Variants in ZNF385D observed in about 807,000 individuals in gnomAD.
The protein encoded by ZNF385D is zinc finger protein 385D.
In ZNF385D, 15 loss-of-function variants were observed where a neutral mutation model predicts 35.8. The ratio of observed to expected loss-of-function variants is 0.42; its 90% CI spans 0.28 to 0.64. The LOEUF (loss-of-function observed/expected upper bound fraction) is 0.64, where lower values mean the gene tolerates loss of function less well. ZNF385D is among the 30% of genes least tolerant of loss of function. ZNF385D has a pLI of 0.23. For missense variants in ZNF385D, 474 were observed against 494.6 expected, an observed-to-expected ratio of 0.96 and a Z score of 0.39; for synonymous variants, 212 against 186.8, an observed-to-expected ratio of 1.13 and a Z score of -1.10.
At chr3:21,935,960 G>C (rs1005167857) in intron 3 of ZNF385D, among the ~76,000 whole-genome samples, 1 of 152,098 alleles carries the variant, frequency 6.6e-6, no homozygotes, top group African/African-American at 2.4e-5. Context: ...GGTGTCCTAA[G>C]TGCAACAGAA....
intron 2 of ZNF385D, among the ~76,000 whole-genome samples, chr3:21,580,900 T>C (rs1426631107): frequency 6.6e-6 from 1 of 152,140 alleles, no homozygotes; most frequent in Non-Finnish European, 1.5e-5. Flanking sequence ...CTTCAATGCT[T>C]GTTATTTGGC....
chr3:21,800,272 C>G (rs2072335135), intron 3 of ZNF385D, among the ~76,000 whole-genome samples: 1 of 152,128 alleles, frequency 6.6e-6, no homozygotes, highest in African/African-American at 2.4e-5. Flanking sequence ...TGTTCATTTA[C>G]ACAAAAAATG....
chr3:22,288,850 T>C (rs1412465171), intron 2 of ZNF385D, among the ~76,000 whole-genome samples: 1 of 152,152 alleles, frequency 6.6e-6, no homozygotes, highest in African/African-American at 2.4e-5. Context: ...TAGACTGGCC[T>C]CTTGTAAAAG....
At chr3:21,516,530 G>T (rs1160530136) in intron 3 of ZNF385D, among the ~76,000 whole-genome samples, 1 of 152,064 alleles carries the variant, frequency 6.6e-6, no homozygotes, top group Admixed American at 6.6e-5. Context: ...CAATGGAGAT[G>T]GCATGAATTT....
intron 2 of ZNF385D, among the ~76,000 whole-genome samples, chr3:22,259,426 C>T (rs1310166703): frequency 6.6e-6 from 1 of 151,688 alleles, no homozygotes; most frequent in Non-Finnish European, 1.5e-5. Flanking sequence ...ATAAGAATAA[C>T]CAGAGTCTGT....
rs111672104 is a variant in ZNF385D, at chr3:21,927,992, G to C, written c.325+240825C>G. 3.0e-4 allele frequency among the ~76,000 whole-genome samples: 46 copies of C among 152,182 alleles called. 1 individual carries two copies. The highest frequency in any genetic ancestry group is 1.1e-3 in the African/African-American group (44 of 41,520). On this transcript the variant is annotated intron_variant, in intron 3 of 5. Coordinates refer to the ZNF385D transcript ENST00000494108. ...AAATCCCAATATTTTGGGAGGCTGA[G>C]GCAGGAAGTTCACTTGAGCACAGGA...
intron 3 of ZNF385D, among the ~76,000 whole-genome samples, chr3:21,551,016 T>C (rs1206398576): frequency 6.6e-6 from 1 of 152,234 alleles, no homozygotes; most frequent in Non-Finnish European, 1.5e-5. Flanking sequence ...TTTACACTTT[T>C]GACATGTTTA....
intron 3 of ZNF385D, among the ~76,000 whole-genome samples, chr3:22,097,728 G>T (rs912594788): frequency 6.6e-6 from 1 of 152,020 alleles, no homozygotes; most frequent in African/African-American, 2.4e-5. Flanking sequence ...GCTTGGAGAA[G>T]CAGCAGCAGC....
At chr3:21,853,505 TC>T (rs11340365) in intron 3 of ZNF385D, among the ~76,000 whole-genome samples, 75,187 of 145,720 alleles carry the variant, frequency 0.52, 19,478 homozygotes, top group African/African-American at 0.58. Context: ...AAAATTGCAG[TC>T]CTTTTTTTTT....
intron 2 of ZNF385D, among the ~76,000 whole-genome samples, chr3:22,220,424 CA>C (rs1367668511): frequency 6.9e-6 from 1 of 145,816 alleles, no homozygotes; most frequent in African/African-American, 2.6e-5. Context: ...TCCATAGCAA[CA>C]ATTACAAAGT....
chr3:21,812,326 C>T lies in ZNF385D; in HGVS notation c.326-147298G>A, dbSNP rs945808083. ...ATTTCTGAATTTCCAACTGAGGTAC[C>T]TGGTTCATCTCACTGGGGCTTGTTG... On this transcript the variant is annotated intron_variant, in intron 3 of 5. Transcript: ENST00000494108. 5.3e-5 allele frequency among the ~76,000 whole-genome samples: 8 copies of T among 152,330 alleles called. No individual in the cohort carries two copies. In the East Asian group the frequency reaches 9.7e-4, roughly 18 times the overall value.
intron 3 of ZNF385D, among the ~76,000 whole-genome samples, chr3:21,982,079 G>GTTTTTTTTTTTTT (rs59719489): frequency 1.5e-5 from 2 of 133,254 alleles, no homozygotes; most frequent in Non-Finnish European, 1.6e-5. Flanking sequence ...TTTTAAAATA[G>GTTTTTTTTTTTTT]TTTTTTTTTT....
chr3:22,146,912 T>C (rs894045982), intron 3 of ZNF385D, among the ~76,000 whole-genome samples: 11 of 152,138 alleles, frequency 7.2e-5, no homozygotes, highest in African/African-American at 2.7e-4. Flanking sequence ...TTTTGTCTCG[T>C]TTTTACATGA....
Position 22,017,644 on chromosome 3 carries a change from T to C in ZNF385D, c.325+151173A>G, listed in dbSNP as rs116629574. On this transcript the variant is annotated intron_variant, in intron 3 of 5. Coordinates refer to the ZNF385D transcript ENST00000494108. The stretch of plus-strand genomic sequence containing the variant: ...TACTGGGTTTCAATAAATAAATGTA[T>C]TCATCATTTTATAATGCTTTAACAA... Among the ~76,000 whole-genome samples, 1,503 of 152,084 alleles carry C rather than the reference T, an allele frequency of 9.9e-3. 31 individuals carry two copies. The highest frequency in any genetic ancestry group is 0.035 in the African/African-American group (1,441 of 41,540).
intron 2 of ZNF385D, among the ~76,000 whole-genome samples, chr3:21,626,093 A>T (rs2065126738): frequency 6.6e-6 from 1 of 152,092 alleles, no homozygotes. Context: ...AAATCACCCA[A>T]GGTCACATAC....
chr3:22,257,926 CATTAT>C (rs1700398965), intron 2 of ZNF385D, among the ~76,000 whole-genome samples: 1 of 151,814 alleles, frequency 6.6e-6, no homozygotes, highest in South Asian at 2.1e-4. Flanking sequence ...AAATATCTTA[CATTAT>C]ATTTAATCTT....
At chr3:22,231,503 C>T (rs1698887963) in intron 2 of ZNF385D, among the ~76,000 whole-genome samples, 1 of 152,114 alleles carries the variant, frequency 6.6e-6, no homozygotes, top group Non-Finnish European at 1.5e-5. Flanking sequence ...GACAAGAGGC[C>T]GTCTGAACAG....
In ZNF385D at chr3:22,177,818, G is replaced by C. The variant is rs185135556; in HGVS notation, c.107-8783C>G. On this transcript the variant is annotated intron_variant, in intron 2 of 5. Coordinates refer to the ZNF385D transcript ENST00000494108. ...CTCACTGTTCAATTCCCACCTATGA[G>C]TGAGAACATACGGTGGTTGGTTTTT... 1.7e-3 allele frequency among the ~76,000 whole-genome samples: 260 copies of C among 152,246 alleles called. 1 individual carries two copies. Among genetic ancestry groups the C allele is most frequent in the Middle Eastern group, 0.017 (5 of 294 alleles).
At chr3:21,724,777 G>C (rs189724973) in intron 1 of ZNF385D, among the ~76,000 whole-genome samples, 1 of 152,030 alleles carries the variant, frequency 6.6e-6, no homozygotes, top group Non-Finnish European at 1.5e-5. Context: ...AGATCAACAA[G>C]ACAGAAAGTT....
Sources: allele counts gnomAD v4.1 joint callset (sites outside exome capture counted in the v4.1 genomes callset), GRCh38; gene constraint gnomAD v4.1.1; transcripts MANE v1.5; gene names NCBI Gene and HGNC (gene_info 2026-07-23, HGNC 2026-07-21).